Variants in SHANK2 observed in about 807,000 individuals in gnomAD.
SHANK2 encodes SH3 and multiple ankyrin repeat domains 2.
SHANK2 carries 43 observed loss-of-function variants against 133.7 expected under a neutral mutation model. The observed-to-expected ratio is 0.32, with a 90% CI of 0.25 to 0.41. The LOEUF is 0.41. Among genes scored for constraint, SHANK2 ranks in the 10% least tolerant of loss-of-function variants. The pLI, the probability that SHANK2 is intolerant of heterozygous loss-of-function variation, is 1.00. For synonymous variants in SHANK2, 1,017 were observed against 952.8 expected, an observed-to-expected ratio of 1.07 and a Z score of -1.24; for missense variants, 1,994 against 2,235.8, an observed-to-expected ratio of 0.89 and a Z score of 2.18.
At chr11:70,787,612 C>G (rs376642479) in intron 14 of SHANK2, among the ~76,000 whole-genome samples, 1 of 152,042 alleles carries the variant, frequency 6.6e-6, no homozygotes, top group African/African-American at 2.4e-5. Flanking sequence ...TGAGCACCAC[C>G]ACCAGCATCA....
chr11:71,140,954 A>G (rs1372391976), intron 3 of SHANK2, among the ~76,000 whole-genome samples: 1 of 152,246 alleles, frequency 6.6e-6, no homozygotes, highest in Non-Finnish European at 1.5e-5. Context: ...GCTTCCATCC[A>G]GCAGGTTTCA....
intron 14 of SHANK2, among the ~76,000 whole-genome samples, chr11:70,717,621 C>T (rs562713673): frequency 9.2e-5 from 14 of 152,244 alleles, no homozygotes; most frequent in African/African-American, 3.1e-4. Context: ...CCGCAGCTCT[C>T]GTAAAGAACA....
intron 9 of SHANK2, among the ~76,000 whole-genome samples, chr11:71,061,536 G>A (rs1240757607): frequency 4.6e-5 from 7 of 152,132 alleles, no homozygotes; most frequent in East Asian, 1.9e-4. Context: ...TGGGGATACC[G>A]GGCTTAGTGG....
chr11:70,594,332 G>A (rs1483262115), intron 17 of SHANK2, among the ~76,000 whole-genome samples: 5 of 152,150 alleles, frequency 3.3e-5, no homozygotes, highest in South Asian at 2.1e-4. Context: ...TCTGGAGATC[G>A]GTCCCAGGAC....
intron 15 of SHANK2, among the ~76,000 whole-genome samples, chr11:70,685,617 A>G (rs2134409946): frequency 6.6e-6 from 1 of 152,298 alleles, no homozygotes; most frequent in African/African-American, 2.4e-5. Context: ...GATGGGCTGC[A>G]TCTCTTTGTA....
At chr11:70,717,501 G>T (rs964831620) in intron 14 of SHANK2, among the ~76,000 whole-genome samples, 1 of 152,074 alleles carries the variant, frequency 6.6e-6, no homozygotes, top group Non-Finnish European at 1.5e-5. Flanking sequence ...GCCTCGGGGC[G>T]CCCAGCAAGC....
rs1334314293 is a variant in SHANK2, at chr11:70,830,970, G to A, written c.1175-10288C>T. On this transcript the variant is annotated intron_variant, in intron 11 of 25. Coordinates refer to ENST00000601538, the MANE Select transcript of SHANK2 (RefSeq NM_012309.5). The surrounding 1 kb of genome is among the most constrained non-coding windows in gnomAD (Gnocchi z 4.4). ...TGTTCCTATAGGGGTCCTGCGTGGAGGGCCTACAACGACCCTGGAGGCTTG... is the reference window on the plus strand; with the variant it reads ...TGTTCCTATAGGGGTCCTGCGTGGAAGGCCTACAACGACCCTGGAGGCTTG... Among the ~76,000 whole-genome samples the A allele has an allele frequency of 8.5e-5, 13 of 152,168 alleles. No individual in the cohort carries two copies. The highest frequency in any genetic ancestry group is 1.5e-4 in the Non-Finnish European group (10 of 68,036).
At chr11:70,846,031 C>T (rs1295099533) in intron 11 of SHANK2, among the ~76,000 whole-genome samples, 4 of 152,104 alleles carry the variant, frequency 2.6e-5, no homozygotes, top group South Asian at 2.1e-4. Flanking sequence ...AGGCTGGTGC[C>T]GAGCCCAGAG....
At chr11:71,177,619 G>A (rs958597115) in intron 2 of SHANK2, among the ~76,000 whole-genome samples, 1 of 152,112 alleles carries the variant, frequency 6.6e-6, no homozygotes, top group Non-Finnish European at 1.5e-5. Context: ...GCAGAATGAT[G>A]TAACAAAAAG....
intron 17 of SHANK2, among the ~76,000 whole-genome samples, chr11:70,620,302 C>A (rs1364563738): frequency 2.6e-5 from 4 of 152,226 alleles, no homozygotes; most frequent in Non-Finnish European, 5.9e-5. Context: ...GCAGAAGAAT[C>A]ATTACCTTGC....
intron 1 of SHANK2, among the ~76,000 whole-genome samples, chr11:71,233,010 C>T (rs1380725292): frequency 1.3e-5 from 2 of 152,130 alleles, no homozygotes; most frequent in African/African-American, 2.4e-5. Flanking sequence ...ATAAAACATA[C>T]ATCCACACAA....
intron 9 of SHANK2, among the ~76,000 whole-genome samples, 166 bp downstream of exon 9, chr11:71,074,993 T>C (rs1253736296): frequency 6.6e-6 from 1 of 152,000 alleles, no homozygotes; most frequent in African/African-American, 2.4e-5. Context: ...GTTAGCAGGA[T>C]GGTCTCGATC....
intron 11 of SHANK2, among the ~76,000 whole-genome samples, chr11:70,855,141 C>T (rs782485032): frequency 6.6e-6 from 1 of 152,222 alleles, no homozygotes; most frequent in Non-Finnish European, 1.5e-5. Flanking sequence ...ACAGCAGGCT[C>T]GGCTGCCCCT....
intron 17 of SHANK2, chr11:70,634,184 C>T (rs1555003146): frequency 6.6e-6 from 1 of 151,624 alleles, no homozygotes; most frequent in African/African-American, 2.4e-5. Flanking sequence ...ACCCAGAGAC[C>T]ACTGCTGGGT....
intron 21 of SHANK2, among the ~76,000 whole-genome samples, chr11:70,496,441 C>T (rs570132397): frequency 6.6e-6 from 1 of 152,330 alleles, no homozygotes; most frequent in South Asian, 2.1e-4. Context: ...AGGCTGCAGG[C>T]TGCGATTTTA....
chr11:70,712,727 C>T (rs1945817656), intron 14 of SHANK2, among the ~76,000 whole-genome samples: 1 of 152,238 alleles, frequency 6.6e-6, no homozygotes, highest in Non-Finnish European at 1.5e-5. Flanking sequence ...TGGTTCCTCG[C>T]TCGGCTAAAA....
chr11:70,679,012 G>C (rs1186305118), intron 15 of SHANK2, among the ~76,000 whole-genome samples: 2 of 152,172 alleles, frequency 1.3e-5, no homozygotes, highest in African/African-American at 4.8e-5. Context: ...ATGCTCGCTA[G>C]GACAACCTTC....
chr11:70,851,744 GCAATGC>G (rs1213719455), intron 11 of SHANK2, among the ~76,000 whole-genome samples: 1 of 152,202 alleles, frequency 6.6e-6, no homozygotes, highest in East Asian at 1.9e-4. Flanking sequence ...TTAGAGGCTA[GCAATGC>G]CAATTTAGAA....
intron 17 of SHANK2, among the ~76,000 whole-genome samples, chr11:70,588,966 C>T (rs933933066): frequency 7.9e-5 from 12 of 152,262 alleles, no homozygotes; most frequent in East Asian, 3.9e-4. Flanking sequence ...TACAGGCGCC[C>T]GCCACCACAC....
Sources: allele counts gnomAD v4.1 joint callset (sites outside exome capture counted in the v4.1 genomes callset), GRCh38; gene constraint gnomAD v4.1.1; non-coding constraint Gnocchi (gnomAD v3.1); transcripts MANE v1.5; gene names NCBI Gene and HGNC (gene_info 2026-07-23, HGNC 2026-07-21).